TMEM74: variants seen among roughly 807,000 people sequenced by gnomAD.
The protein encoded by TMEM74 is transmembrane protein 74.
A neutral mutation model predicts 18.1 loss-of-function variants in TMEM74; 13 were observed. The ratio of observed to expected loss-of-function variants is 0.72; its 90% CI spans 0.47 to 1.14. The LOEUF (loss-of-function observed/expected upper bound fraction) is 1.14, where lower values mean the gene tolerates loss of function less well. TMEM74 is among the 50% of genes most tolerant of loss of function. The pLI is 0.00. For synonymous variants in TMEM74, 159 were observed against 146.6 expected (o/e 1.08, Z -0.61); for missense variants, 372 against 375.9 (o/e 0.99, Z 0.09).
At chr8:108,654,986 C>G (rs571532495) in intron 2 of TMEM74, among the ~76,000 whole-genome samples, 30 of 152,194 alleles carry the variant, frequency 2.0e-4, no homozygotes, top group Non-Finnish European at 3.7e-4. Context: ...GTACTAATTA[C>G]TATAGGTTTT....
At chr8:108,651,920 A>G (rs1812778540) in intron 2 of TMEM74, among the ~76,000 whole-genome samples, 1 of 151,840 alleles carries the variant, frequency 6.6e-6, no homozygotes, top group Admixed American at 6.6e-5. Context: ...TTATACACCC[A>G]GTGTTACGAC....
chr8:108,722,088 T>G (rs1374456227), intron 1 of TMEM74, among the ~76,000 whole-genome samples: 1 of 152,230 alleles, frequency 6.6e-6, no homozygotes, highest in African/African-American at 2.4e-5. Context: ...TTTTGTGGTT[T>G]TAGATCTTAC....
At chr8:108,731,335 A>G (rs1402907303) in intron 1 of TMEM74, among the ~76,000 whole-genome samples, 1 of 152,114 alleles carries the variant, frequency 6.6e-6, no homozygotes, top group African/African-American at 2.4e-5. Flanking sequence ...CAATCTTATA[A>G]TCAATAGAAT....
intron 1 of TMEM74, among the ~76,000 whole-genome samples, chr8:108,672,868 A>G (rs969921444): frequency 3.3e-5 from 5 of 152,222 alleles, no homozygotes; most frequent in Non-Finnish European, 7.3e-5. Flanking sequence ...GGACAAGATC[A>G]TAAAGAATGA....
rs117489152 is a variant in TMEM74, at chr8:108,615,103, G to A, written n.265-6277C>T. 2.5e-3 allele frequency among the ~76,000 whole-genome samples: 374 copies of A among 152,214 alleles called. 2 individuals carry two copies. Among genetic ancestry groups the A allele is most frequent in the Non-Finnish European group, 4.0e-3 (273 of 67,992 alleles). On this transcript the variant is annotated intron_variant and non_coding_transcript_variant, in intron 2 of 3. Transcript: ENST00000518838. Reference sequence around the variant, plus strand: ...TTTTCCATTCTCAGTTTGTTAGAGGGGATACATAGAAAAGTAAACTGGCTT... The same window carrying A: ...TTTTCCATTCTCAGTTTGTTAGAGGAGATACATAGAAAAGTAAACTGGCTT...
intron 1 of TMEM74, among the ~76,000 whole-genome samples, chr8:108,694,271 C>T (rs1813259527): frequency 6.6e-6 from 1 of 152,030 alleles, no homozygotes; most frequent in South Asian, 2.1e-4. Flanking sequence ...CAATGTCTAT[C>T]AATAGATGAA....
chr8:108,656,562 G>A (rs1334050303), intron 1 of TMEM74, among the ~76,000 whole-genome samples: 1 of 152,096 alleles, frequency 6.6e-6, no homozygotes, highest in African/African-American at 2.4e-5. Flanking sequence ...TCTACCTGTG[G>A]TAGTTTCAGA....
At chr8:108,610,272 G>C (rs1001447021) in intron 2 of TMEM74, among the ~76,000 whole-genome samples, 1 of 152,048 alleles carries the variant, frequency 6.6e-6, no homozygotes, top group Non-Finnish European at 1.5e-5. Context: ...GGGAGATAAG[G>C]GTGCTGACTC....
At chr8:108,616,784 T>C (rs1055525340) in intron 2 of TMEM74, among the ~76,000 whole-genome samples, 1 of 152,144 alleles carries the variant, frequency 6.6e-6, no homozygotes, top group African/African-American at 2.4e-5. Flanking sequence ...AAGTTTCACA[T>C]AGTTGTTGCT....
downstream of TMEM74, among the ~76,000 whole-genome samples, chr8:108,778,095 A>G (rs1814252822): frequency 6.6e-6 from 1 of 152,186 alleles, no homozygotes; most frequent in Admixed American, 6.5e-5. Flanking sequence ...TCAAGTGATC[A>G]TTAGAGAAGA....
Position 108,781,305 on chromosome 8 carries a change from T to G in TMEM74, c.*2876A>C, listed in dbSNP as rs1021894123. 2.0e-5 allele frequency among the ~76,000 whole-genome samples: 3 copies of G among 152,182 alleles called. No individual in the cohort carries two copies. The highest frequency in any genetic ancestry group is 4.4e-5 in the Non-Finnish European group (3 of 68,030). ...GATGCAAGACCAAAACTATAGGTAT[T>G]GTATGCCCAATGTCTATAGAATGCA... On this transcript the variant is annotated 3_prime_UTR_variant, in exon 2 of 2. Coordinates refer to ENST00000297459, the MANE Select transcript of TMEM74 (RefSeq NM_153015.3).
At chr8:108,634,382 C>G (rs943593565) in intron 2 of TMEM74, among the ~76,000 whole-genome samples, 1 of 151,878 alleles carries the variant, frequency 6.6e-6, no homozygotes, top group Non-Finnish European at 1.5e-5. Context: ...TATGTTCAAC[C>G]AAATGCTACT....
chr8:108,628,568 T>C (rs1375080151), intron 2 of TMEM74, among the ~76,000 whole-genome samples: 3 of 152,080 alleles, frequency 2.0e-5, no homozygotes, highest in Non-Finnish European at 4.4e-5. Flanking sequence ...GTCTTTGCTA[T>C]TGTAAATAGT....
chr8:108,722,598 A>G (rs377113504), intron 1 of TMEM74, among the ~76,000 whole-genome samples: 1 of 152,220 alleles, frequency 6.6e-6, no homozygotes, highest in Admixed American at 6.5e-5. Flanking sequence ...CTATTTCAGT[A>G]ACAGGGTAAT....
At chr8:108,700,130 G>GGTGTGTGTGTGTGTGTGT (rs3049748) in intron 1 of TMEM74, among the ~76,000 whole-genome samples, 20 of 143,076 alleles carry the variant, frequency 1.4e-4, no homozygotes, top group Non-Finnish European at 1.8e-4. Context: ...GGCCATAAAT[G>GGTGTGTGTGTGTGTGTGT]GTGTGTGTGT....
chr8:108,756,589 AAAGAAAG>A (rs1563543550), intron 1 of TMEM74, among the ~76,000 whole-genome samples: 27 of 117,568 alleles, frequency 2.3e-4, no homozygotes, highest in South Asian at 8.4e-4. Context: ...AGAAAGAAAG[AAAGAAAG>A]AGAAAGGAAG....
intron 1 of TMEM74, among the ~76,000 whole-genome samples, chr8:108,702,250 AAGG>A (rs1813343221): frequency 6.6e-6 from 1 of 151,400 alleles, no homozygotes; most frequent in Admixed American, 6.6e-5. Flanking sequence ...AGGCTGAGGC[AAGG>A]AGAATTGCTT....
intron 1 of TMEM74, among the ~76,000 whole-genome samples, chr8:108,720,187 T>TAAAAA (rs5893933): frequency 6.8e-6 from 1 of 147,824 alleles, no homozygotes. Flanking sequence ...CCAAATTTTG[T>TAAAAA]AAAAAAAAAA....
chr8:108,722,907 G>T (rs1265281595), intron 1 of TMEM74, among the ~76,000 whole-genome samples: 1 of 152,206 alleles, frequency 6.6e-6, no homozygotes, highest in Non-Finnish European at 1.5e-5. Flanking sequence ...GGCTGCATAT[G>T]CTAGCTGTGG....
Sources: allele counts gnomAD v4.1 joint callset (sites outside exome capture counted in the v4.1 genomes callset), GRCh38; gene constraint gnomAD v4.1.1; transcripts MANE v1.5; gene names NCBI Gene and HGNC (gene_info 2026-07-23, HGNC 2026-07-21).